KCNJ6: variants seen among roughly 807,000 people sequenced by gnomAD.
KCNJ6 encodes potassium inwardly rectifying channel subfamily J member 6, also known as G protein-activated inward rectifier potassium channel 2.
A neutral mutation model predicts 34.2 loss-of-function variants in KCNJ6; 9 were observed. The observed-to-expected ratio is 0.26, with a 90% CI of 0.16 to 0.46. The LOEUF (loss-of-function observed/expected upper bound fraction) is 0.46, where lower values mean the gene tolerates loss of function less well. Ranked by LOEUF, KCNJ6 falls within the 20% of genes least tolerant of loss-of-function variation. The pLI, the probability that KCNJ6 is intolerant of heterozygous loss-of-function variation, is 1.00. For synonymous variants in KCNJ6, 196 were observed against 207.1 expected (o/e 0.95, Z 0.46); for missense variants, 236 against 531.3 (o/e 0.44, Z 5.46).
intron 1 of KCNJ6, among the ~76,000 whole-genome samples, chr21:37,891,858 C>T (rs371514112): frequency 5.9e-5 from 9 of 151,910 alleles, no homozygotes; most frequent in African/African-American, 2.2e-4. Context: ...CTGATGCTGG[C>T]GGCAGTTGTG....
chr21:37,866,043 T>C (rs2123607464), intron 1 of KCNJ6, among the ~76,000 whole-genome samples: 1 of 152,202 alleles, frequency 6.6e-6, no homozygotes, highest in East Asian at 1.9e-4. Context: ...TTTGTGGATG[T>C]GATCATAATT....
At chr21:37,883,183 T>C (rs954558392) in intron 1 of KCNJ6, among the ~76,000 whole-genome samples, 3 of 152,222 alleles carry the variant, frequency 2.0e-5, no homozygotes, top group Non-Finnish European at 4.4e-5. Context: ...TGGCAGTTTT[T>C]GCTGAAAATG....
intron 3 of KCNJ6, among the ~76,000 whole-genome samples, chr21:37,672,589 A>G (rs1402844252): frequency 1.3e-5 from 2 of 152,002 alleles, no homozygotes; most frequent in East Asian, 3.9e-4. Flanking sequence ...TGAAAATGTT[A>G]AAGTTCAAGA....
chr21:37,609,130 T>A lies in KCNJ6; in HGVS notation c.*16029A>T, dbSNP rs2054234007. 1 of 152,232 alleles carries A rather than the reference T, an allele frequency of 6.6e-6. No homozygotes were observed. Among genetic ancestry groups the A allele is most frequent in the African/African-American group, 2.4e-5 (1 of 41,456 alleles). 9.4% of individuals were successfully genotyped at this position (152,232 alleles called of 1,614,324 possible). ...TGGAGACAAAGTTGAGGATCAAGTA[T>A]CATCTGTGCTTCATTTCTTTTGGGA... On this transcript the variant is annotated 3_prime_UTR_variant, in exon 4 of 4. Coordinates refer to ENST00000609713, the MANE Select transcript of KCNJ6 (RefSeq NM_002240.5).
rs75583664 is a variant in KCNJ6 at position 37,731,403 on chromosome 21, T to C, written c.26-16272A>G. On this transcript the variant is annotated intron_variant, in intron 2 of 3. Coordinates refer to ENST00000609713, the MANE Select transcript of KCNJ6 (RefSeq NM_002240.5). ...GGTAAGTGGGAAGATCCTGGTGTCT[T>C]ACAAAATCATAAGTTGGGAAGGGGA... Among the ~76,000 whole-genome samples, 649 of 152,240 alleles carry C rather than the reference T, an allele frequency of 4.3e-3. 4 individuals are homozygous for C. The highest frequency in any genetic ancestry group is 0.014 in the African/African-American group (581 of 41,544).
chr21:37,795,505 A>G (rs1032986943), intron 2 of KCNJ6, among the ~76,000 whole-genome samples: 6 of 152,200 alleles, frequency 3.9e-5, no homozygotes, highest in East Asian at 3.9e-4. Context: ...AACACTTTGG[A>G]AGGCCGAGGC....
In KCNJ6 at chr21:37,749,517, G is replaced by A. The variant is rs528789578; in HGVS notation, c.26-34386C>T. 9.2e-5 allele frequency among the ~76,000 whole-genome samples: 14 copies of A among 152,306 alleles called. 1 individual carries two copies. The South Asian group carries it at 2.7e-3, about 29-fold the overall frequency. ...AACTTGTATTGCACCCATACCTGGA[G>A]CCCGGCTGTCATTCTCTGCCATGGA... On this transcript the variant is annotated intron_variant, in intron 2 of 3. Transcript: ENST00000609713.
intron 2 of KCNJ6, among the ~76,000 whole-genome samples, chr21:37,789,057 C>T (rs1312010498): frequency 6.6e-6 from 1 of 152,212 alleles, no homozygotes; most frequent in African/African-American, 2.4e-5. Flanking sequence ...CTCTCTCTTA[C>T]TTCCAAGTCT....
At chr21:37,663,450 G>T (rs1436909909) in intron 3 of KCNJ6, among the ~76,000 whole-genome samples, 1 of 118,684 alleles carries the variant, frequency 8.4e-6, no homozygotes, top group Non-Finnish European at 1.8e-5. Flanking sequence ...AAGACAAAGA[G>T]AGTTTCATGA....
chr21:37,732,872 G>T (rs2054892887), intron 2 of KCNJ6, among the ~76,000 whole-genome samples: 1 of 152,174 alleles, frequency 6.6e-6, no homozygotes, highest in South Asian at 2.1e-4. Flanking sequence ...ACATAGTTGA[G>T]GGTTAAGAAC....
rs10627837 is a variant in KCNJ6, at chr21:37,880,100, C to CAAAA, written c.-28+35780_-28+35783dup. 1.6e-4 allele frequency among the ~76,000 whole-genome samples: 23 copies of CAAAA among 145,644 alleles called. 1 individual carries two copies. Among genetic ancestry groups the CAAAA allele is most frequent in the South Asian group, 8.7e-4 (4 of 4,586 alleles). ...ATGGTGAAACCCGGCTCTAAAAATACAAAAAAAAAAAAATTAGCCGAGTAT... is the reference window on the plus strand; with the variant it reads ...ATGGTGAAACCCGGCTCTAAAAATACAAAAAAAAAAAAAAAAATTAGCCGAGTAT... On this transcript the variant is annotated intron_variant, in intron 1 of 3. Coordinates refer to ENST00000609713, the MANE Select transcript of KCNJ6 (RefSeq NM_002240.5).
At chr21:37,912,122 T>G (rs2055869643) in intron 1 of KCNJ6, among the ~76,000 whole-genome samples, 1 of 152,186 alleles carries the variant, frequency 6.6e-6, no homozygotes, top group Admixed American at 6.5e-5. Context: ...TAACTATTGT[T>G]TAGGCAATAC....
At chr21:37,806,894 G>A (rs1385229062) in intron 2 of KCNJ6, among the ~76,000 whole-genome samples, 1 of 152,108 alleles carries the variant, frequency 6.6e-6, no homozygotes, top group Non-Finnish European at 1.5e-5. Context: ...TCAGTGAAGT[G>A]ACTGATAAAC....
intron 2 of KCNJ6, among the ~76,000 whole-genome samples, chr21:37,731,552 A>G (rs766608349): frequency 3.0e-4 from 45 of 152,188 alleles, no homozygotes; most frequent in Non-Finnish European, 5.6e-4. Flanking sequence ...TGTGGTAGGC[A>G]GCATCATTGA....
At chr21:37,655,320 T>C (rs889792882) in intron 3 of KCNJ6, among the ~76,000 whole-genome samples, 2 of 150,710 alleles carry the variant, frequency 1.3e-5, no homozygotes, top group African/African-American at 4.9e-5. Flanking sequence ...ACCTAGGGCC[T>C]CTGAGCTCCT....
At position 37,627,220 on chromosome 21, in the gene KCNJ6, C is replaced by T. The variant is rs2054315210; in HGVS notation, c.947-1736G>A. Among the ~76,000 whole-genome samples, 4 of 152,320 alleles carry T rather than the reference C, an allele frequency of 2.6e-5. No individual in the cohort carries two copies. The South Asian group carries it at 8.3e-4, about 32-fold the overall frequency. Reference sequence around the variant, plus strand: ...CAGCTGTCAGAGCCTGAGCCAGCACCAGCCCTCACGCCAGCTCTGTGCTCT... The same window carrying T: ...CAGCTGTCAGAGCCTGAGCCAGCACTAGCCCTCACGCCAGCTCTGTGCTCT... On this transcript the variant is annotated intron_variant, in intron 3 of 3. Transcript: ENST00000609713.
At chr21:37,732,489 A>T (rs1212975130) in intron 2 of KCNJ6, among the ~76,000 whole-genome samples, 1 of 152,240 alleles carries the variant, frequency 6.6e-6, no homozygotes, top group Non-Finnish European at 1.5e-5. Flanking sequence ...CAAATCTTCT[A>T]AAAAGGTCTG....
chr21:37,742,067 G>C (rs1371142549), intron 2 of KCNJ6, among the ~76,000 whole-genome samples: 1 of 152,218 alleles, frequency 6.6e-6, no homozygotes, highest in Admixed American at 6.5e-5. Flanking sequence ...CTGTCATCAT[G>C]GGGAAGCTGC....
chr21:37,712,305 G>A (rs2123448420), intron 3 of KCNJ6, among the ~76,000 whole-genome samples: 1 of 152,272 alleles, frequency 6.6e-6, no homozygotes, highest in South Asian at 2.1e-4. Flanking sequence ...ATCCTGAGTG[G>A]TCAGTTCATA....
Sources: allele counts gnomAD v4.1 joint callset (sites outside exome capture counted in the v4.1 genomes callset), GRCh38; gene constraint gnomAD v4.1.1; transcripts MANE v1.5; gene names NCBI Gene and HGNC (gene_info 2026-07-23, HGNC 2026-07-21).